Variants in MBD5 observed in about 807,000 individuals in gnomAD.
The protein encoded by MBD5 is methyl-CpG binding domain protein 5.
Under a neutral mutation model 117.3 loss-of-function variants are expected in MBD5, and 13 were observed. The ratio of observed to expected loss-of-function variants is 0.11; its 90% CI spans 0.07 to 0.18. The LOEUF (loss-of-function observed/expected upper bound fraction) is 0.18, where lower values mean the gene tolerates loss of function less well. Among genes scored for constraint, MBD5 ranks in the 10% least tolerant of loss-of-function variants. The probability of loss-of-function intolerance (pLI) is 1.00; values close to 1 mark genes in which losing one functional copy is unlikely to be tolerated. For synonymous variants in MBD5, 727 were observed against 766.4 expected, an observed-to-expected ratio of 0.95 and a Z score of 0.85; for missense variants, 1,879 against 2,093.8, an observed-to-expected ratio of 0.90 and a Z score of 2.00.
chr2:148,089,769 T>TCAGA (rs1463218418), intron 1 of MBD5, among the ~76,000 whole-genome samples: 1 of 151,750 alleles, frequency 6.6e-6, no homozygotes, highest in African/African-American at 2.4e-5. Flanking sequence ...CGATCTAAGG[T>TCAGA]CAGACCTCAA....
intron 4 of MBD5, among the ~76,000 whole-genome samples, chr2:148,444,265 G>A (rs1352834009): frequency 1.3e-5 from 2 of 150,958 alleles, no homozygotes; most frequent in African/African-American, 4.9e-5. Flanking sequence ...ATACTTTCTC[G>A]CCCGTGTGTT....
intron 12 of MBD5, among the ~76,000 whole-genome samples, chr2:148,505,430 A>C (rs1390169010): frequency 1.3e-5 from 2 of 152,158 alleles, no homozygotes; most frequent in African/African-American, 4.8e-5. Context: ...GAAGATGGGA[A>C]GAATGGTCAG....
intron 3 of MBD5, among the ~76,000 whole-genome samples, chr2:148,289,279 C>A (rs1701442850): frequency 6.6e-6 from 1 of 152,090 alleles, no homozygotes; most frequent in African/African-American, 2.4e-5. Flanking sequence ...CAAATATTAA[C>A]AATTTCTCCT....
At chr2:148,447,203 GAAAGAAAGAAAGAAAGAAAGAAAGAA>G (rs1706578629) in intron 4 of MBD5, among the ~76,000 whole-genome samples, 1 of 10,946 alleles carries the variant, frequency 9.1e-5, no homozygotes, top group Non-Finnish European at 1.3e-3. Context: ...AAGAAAGAAA[GAAAGAAAGAAAGAAAGAAAGAAAGAA>G]AGAAAGGGAA....
intron 1 of MBD5, among the ~76,000 whole-genome samples, chr2:148,087,899 G>A (rs1448094820): frequency 1.3e-5 from 2 of 152,056 alleles, no homozygotes; most frequent in African/African-American, 2.4e-5. Flanking sequence ...GAATTCAGAA[G>A]GTTGACTATT....
At chr2:148,154,020 G>T (rs200287619) in intron 1 of MBD5, among the ~76,000 whole-genome samples, 1 of 100,080 alleles carries the variant, frequency 1.0e-5, no homozygotes, top group Non-Finnish European at 2.2e-5. Flanking sequence ...GGCGCTCTGC[G>T]TTTTAGAGTT....
chr2:148,382,447 T>G (rs1447180199), intron 4 of MBD5, among the ~76,000 whole-genome samples: 3 of 152,152 alleles, frequency 2.0e-5, no homozygotes, highest in African/African-American at 7.2e-5. Context: ...GCACCCGGAT[T>G]CATAAAGCAA....
intron 1 of MBD5, among the ~76,000 whole-genome samples, chr2:148,050,142 T>C (rs992468169): frequency 5.3e-5 from 8 of 152,324 alleles, no homozygotes; most frequent in Admixed American, 6.5e-5. Flanking sequence ...TCAAAGTAGC[T>C]GCACCATTTT....
intron 1 of MBD5, among the ~76,000 whole-genome samples, chr2:148,059,952 G>GT (rs2105816940): frequency 6.6e-6 from 1 of 151,384 alleles, no homozygotes; most frequent in Non-Finnish European, 1.5e-5. Context: ...ATTCTGTTGG[G>GT]TGTTTGGAAG....
At chr2:148,075,130 G>A (rs1472625116) in intron 1 of MBD5, among the ~76,000 whole-genome samples, 1 of 152,184 alleles carries the variant, frequency 6.6e-6, no homozygotes, top group African/African-American at 2.4e-5. Flanking sequence ...GGAAGAAGCA[G>A]CCCAGAATAG....
chr2:148,452,374 C>T (rs572965421), intron 4 of MBD5, among the ~76,000 whole-genome samples: 32 of 152,124 alleles, frequency 2.1e-4, no homozygotes, highest in African/African-American at 7.7e-4. Flanking sequence ...GGTTTGGACA[C>T]CTGTGATCGC....
chr2:148,457,359 A>C (rs76440350), intron 4 of MBD5, among the ~76,000 whole-genome samples: 1,654 of 152,230 alleles, frequency 0.011, 42 homozygotes, highest in African/African-American at 0.038. Context: ...CAGTATATTA[A>C]ATTGGTCATA....
intron 3 of MBD5, among the ~76,000 whole-genome samples, chr2:148,332,598 T>A (rs1043537799): frequency 2.2e-4 from 34 of 152,332 alleles, no homozygotes; most frequent in Admixed American, 3.3e-4. Flanking sequence ...ATTCATTTTC[T>A]TTCTGAATTT....
At position 148,159,280 on chromosome 2, in the gene MBD5, A is replaced by T. The variant is rs913028039; in HGVS notation, c.-924-19420A>T. 3.2e-4 allele frequency among the ~76,000 whole-genome samples: 49 copies of T among 151,994 alleles called. 1 individual carries two copies. The highest frequency in any genetic ancestry group is 8.8e-5 in the Non-Finnish European group (6 of 67,986). ...TACAAACAGTCCTCATTTTGCAGAT[A>T]AGTTGTCTTCTAATTATACTTGTTT... On this transcript the variant is annotated intron_variant, in intron 1 of 13. Transcript: ENST00000642680.
chr2:148,427,668 T>C (rs562602640), intron 4 of MBD5, among the ~76,000 whole-genome samples: 1 of 152,154 alleles, frequency 6.6e-6, no homozygotes, highest in African/African-American at 2.4e-5. Flanking sequence ...AGGGATAGCA[T>C]TAGGAGATAT....
rs1299427784 is a variant in MBD5 at position 148,178,809 on chromosome 2, A to G, written c.-831+16A>G. On this transcript the variant is annotated intron_variant, in intron 2 of 13. Transcript: ENST00000642680. ...AGCACTAAAGGTAAGTAGTAACTAT[A>G]GCCCCATATATAATTTCATGTAAAT... 1 of 398,206 alleles carries G rather than the reference A, an allele frequency of 2.5e-6. No homozygotes were observed. Among genetic ancestry groups the G allele is most frequent in the Non-Finnish European group, 4.4e-6 (1 of 225,692 alleles). 24.7% of individuals were successfully genotyped at this position (398,206 alleles called of 1,614,324 possible).
chr2:148,409,856 G>A (rs1485807460), intron 4 of MBD5, among the ~76,000 whole-genome samples: 2 of 152,058 alleles, frequency 1.3e-5, no homozygotes, highest in African/African-American at 4.8e-5. Context: ...AGTATGTATG[G>A]GGAGTCTTTC....
At chr2:148,460,980 C>T (rs1169342593) in intron 5 of MBD5, among the ~76,000 whole-genome samples, 3 of 152,176 alleles carry the variant, frequency 2.0e-5, no homozygotes, top group Admixed American at 6.5e-5. Context: ...GTCGCCCAGG[C>T]TGGAGTGTAG....
intron 3 of MBD5, among the ~76,000 whole-genome samples, chr2:148,313,696 A>G (rs1702089975): frequency 1.3e-5 from 2 of 152,104 alleles, no homozygotes. Context: ...TATGAACAAA[A>G]TCTCCTGCAG....
Sources: gnomAD v4.1 joint callset for allele counts (sites outside exome capture counted in the v4.1 genomes callset) on GRCh38, gnomAD v4.1.1 for gene constraint, MANE v1.5 for transcripts, NCBI Gene and HGNC (gene_info 2026-07-23, HGNC 2026-07-21) for gene names.